Variants in SHANK2 observed in about 807,000 individuals in gnomAD.
SHANK2 encodes the protein SH3 and multiple ankyrin repeat domains 2, also known as SH3 and multiple ankyrin repeat domains protein 2.
In SHANK2, 43 loss-of-function variants were observed where a neutral mutation model predicts 133.7. That is an observed-to-expected ratio of 0.32 (90% CI 0.25 to 0.41). SHANK2 has a LOEUF of 0.41. SHANK2 is among the 10% of genes least tolerant of loss of function. The probability of loss-of-function intolerance (pLI) is 1.00; values close to 1 mark genes in which losing one functional copy is unlikely to be tolerated. For missense variants in SHANK2, 1,994 were observed against 2,235.8 expected (o/e 0.89, Z 2.18); for synonymous variants, 1,017 against 952.8 (o/e 1.07, Z -1.24).
chr11:71,085,706 TTA>T (rs1273784478), intron 8 of SHANK2, among the ~76,000 whole-genome samples: 24 of 19,162 alleles, frequency 1.3e-3, no homozygotes, highest in South Asian at 7.0e-3. Context: ...ATATTATATG[TTA>T]TATATATTAT....
rs1384419702 is a variant in SHANK2 at position 70,627,968 on chromosome 11, GT to G, written c.2061+31859del. Among the ~76,000 whole-genome samples, 13 of 150,306 alleles carry G rather than the reference GT, an allele frequency of 8.6e-5. 1 individual carries two copies. In the South Asian group the frequency reaches 2.2e-3, roughly 25 times the overall value. ...CTAGCAAGGAAGAGAGTTGTTTTTTGTTTTTTTTTGAAACAGAGTCTCGCTC... is the reference window on the plus strand; with the variant it reads ...CTAGCAAGGAAGAGAGTTGTTTTTTGTTTTTTTTGAAACAGAGTCTCGCTC... On this transcript the variant is annotated intron_variant, in intron 17 of 25. Coordinates refer to ENST00000601538, the MANE Select transcript of SHANK2 (RefSeq NM_012309.5).
intron 14 of SHANK2, among the ~76,000 whole-genome samples, chr11:70,745,927 G>A (rs1258038258): frequency 6.6e-6 from 1 of 152,208 alleles, no homozygotes; most frequent in Non-Finnish European, 1.5e-5. Context: ...TGTCAAAAAA[G>A]GCCTCGGATG....
intron 14 of SHANK2, among the ~76,000 whole-genome samples, chr11:70,765,488 C>T: frequency 6.6e-6 from 1 of 152,196 alleles, no homozygotes; most frequent in Non-Finnish European, 1.5e-5. Context: ...ATGAGAGCTT[C>T]TTAAGGCTCC....
Position 71,094,708 on chromosome 11 carries a change from A to C in SHANK2, c.593-20T>G. ...GGGTCTCTGAGGAACCCAAACACAC[A>C]CACTTTAGAACCAACATTTGTCACA... is the stretch of plus-strand genomic sequence containing the variant. On this transcript the variant is annotated intron_variant, in intron 6 of 25. Coordinates refer to ENST00000601538, the MANE Select transcript of SHANK2 (RefSeq NM_012309.5). 1.3e-6 allele frequency: 2 copies of C among 1,546,652 alleles called. No homozygotes were observed. The highest frequency in any genetic ancestry group is 1.7e-6 in the Non-Finnish European group (2 of 1,143,170).
intron 2 of SHANK2, among the ~76,000 whole-genome samples, chr11:71,161,267 T>C (rs1168021824): frequency 2.6e-5 from 4 of 152,226 alleles, no homozygotes; most frequent in African/African-American, 9.6e-5. Flanking sequence ...TAGCATCACA[T>C]GATAGACAGC....
At chr11:71,119,282 ACTCAAAT>A (rs1394766012) in intron 3 of SHANK2, among the ~76,000 whole-genome samples, 1 of 152,138 alleles carries the variant, frequency 6.6e-6, no homozygotes, top group African/African-American at 2.4e-5. Context: ...CTCACCATGG[ACTCAAAT>A]CTCCAGCACT....
intron 11 of SHANK2, among the ~76,000 whole-genome samples, chr11:70,822,163 C>T (rs1247081264): frequency 1.3e-5 from 2 of 152,260 alleles, no homozygotes; most frequent in Non-Finnish European, 2.9e-5. Context: ...GGCTTCTCCC[C>T]GGCCCGTGAT....
At chr11:70,862,146 C>T (rs1949269375) in intron 11 of SHANK2, among the ~76,000 whole-genome samples, 1 of 152,216 alleles carries the variant, frequency 6.6e-6, no homozygotes, top group African/African-American at 2.4e-5. Flanking sequence ...AAGCACCAGA[C>T]ACTGAACTGA....
intron 10 of SHANK2, among the ~76,000 whole-genome samples, chr11:70,916,671 G>T (rs993629833): frequency 1.5e-4 from 23 of 152,100 alleles, no homozygotes; most frequent in African/African-American, 4.8e-4. Flanking sequence ...CCCTCCCTTC[G>T]CCTGGCACAG....
At chr11:70,770,248 G>T (rs1555042418) in intron 14 of SHANK2, among the ~76,000 whole-genome samples, 1 of 152,230 alleles carries the variant, frequency 6.6e-6, no homozygotes, top group African/African-American at 2.4e-5. Flanking sequence ...TGCCTCTGGT[G>T]TCCTCCTGGG....
At chr11:70,894,123 C>T (rs562982165) in intron 11 of SHANK2, among the ~76,000 whole-genome samples, 10 of 152,294 alleles carry the variant, frequency 6.6e-5, no homozygotes, top group African/African-American at 2.4e-4. Context: ...ACAAGTGTCT[C>T]CCAAGGTGGA....
At chr11:70,863,800 G>A in intron 11 of SHANK2, 6 of 457,720 alleles carry the variant, frequency 1.3e-5, no homozygotes, top group Non-Finnish European at 1.8e-5. Context: ...GAGGTGTGTT[G>A]TAAGAAGAGG....
intron 8 of SHANK2, among the ~76,000 whole-genome samples, chr11:71,086,123 TATTAA>T (rs1488800344): frequency 0.031 from 595 of 19,422 alleles, 55 homozygotes; most frequent in Middle Eastern, 0.062. Flanking sequence ...TTATATAATA[TATTAA>T]ATTATATAAT....
intron 14 of SHANK2, among the ~76,000 whole-genome samples, chr11:70,718,430 G>A (rs1945998285): frequency 6.6e-6 from 1 of 151,960 alleles, no homozygotes; most frequent in African/African-American, 2.4e-5. Context: ...CTGGGCAGTG[G>A]GTCCTTAGCG....
At chr11:71,167,545 A>AT in intron 2 of SHANK2, among the ~76,000 whole-genome samples, 1 of 88,238 alleles carries the variant, frequency 1.1e-5, no homozygotes, top group Middle Eastern at 5.4e-3. Context: ...CGGGGGGCTG[A>AT]CCCCCCCACC....
At chr11:70,597,427 C>T (rs181731941) in intron 17 of SHANK2, among the ~76,000 whole-genome samples, 140 of 152,188 alleles carry the variant, frequency 9.2e-4, no homozygotes, top group Non-Finnish European at 1.6e-3. Flanking sequence ...GGGAAAGCCC[C>T]CTGAGAGGCG....
chr11:71,073,369 G>C (rs1002172760), intron 9 of SHANK2, among the ~76,000 whole-genome samples: 1 of 151,800 alleles, frequency 6.6e-6, no homozygotes, highest in South Asian at 2.1e-4. Context: ...ACATTGGCCA[G>C]GCTGGTCTTG....
At chr11:70,919,125 C>G (rs1271655960) in intron 10 of SHANK2, among the ~76,000 whole-genome samples, 4 of 152,124 alleles carry the variant, frequency 2.6e-5, no homozygotes, top group Non-Finnish European at 5.9e-5. Flanking sequence ...GATCACCCCA[C>G]TATACTCCAG....
intron 17 of SHANK2, chr11:70,634,493 T>C (rs1283854909): frequency 1.3e-5 from 2 of 152,094 alleles, no homozygotes; most frequent in Non-Finnish European, 2.9e-5. Flanking sequence ...ATCATGTATC[T>C]GGTAAGGGGT....
Sources: allele counts gnomAD v4.1 joint callset (sites outside exome capture counted in the v4.1 genomes callset), GRCh38; gene constraint gnomAD v4.1.1; transcripts MANE v1.5; gene names NCBI Gene and HGNC (gene_info 2026-07-23, HGNC 2026-07-21).